CLASP2: variants seen among roughly 807,000 people sequenced by gnomAD.
CLASP2 encodes cytoplasmic linker associated protein 2.
Under a neutral mutation model 194.4 loss-of-function variants are expected in CLASP2, and 47 were observed. The observed-to-expected ratio is 0.24, with a 90% CI of 0.19 to 0.31. The LOEUF is 0.31. CLASP2 is among the 10% of genes least tolerant of loss of function. The pLI is 1.00. For missense variants in CLASP2, 1,445 were observed against 1,823.6 expected, an observed-to-expected ratio of 0.79 and a Z score of 3.78; for synonymous variants, 619 against 633.5, an observed-to-expected ratio of 0.98 and a Z score of 0.34.
chr3:33,676,715 G>A (rs1319633509), intron 6 of CLASP2, among the ~76,000 whole-genome samples: 4 of 152,072 alleles, frequency 2.6e-5, no homozygotes, highest in East Asian at 1.9e-4. Flanking sequence ...GATCTAATTA[G>A]ACTAAAGAGC....
chr3:33,678,042 A>G (rs879126373), intron 6 of CLASP2, among the ~76,000 whole-genome samples: 2 of 151,976 alleles, frequency 1.3e-5, no homozygotes, highest in East Asian at 1.9e-4. Context: ...GGAAATCTCA[A>G]TAGAATTCTC....
At chr3:33,628,737 T>G (rs969057036) in intron 9 of CLASP2, among the ~76,000 whole-genome samples, 1 of 152,028 alleles carries the variant, frequency 6.6e-6, no homozygotes, top group Admixed American at 6.6e-5. Flanking sequence ...ATCTCGGCAT[T>G]ATCTAGATAA....
At chr3:33,682,675 T>A (rs1559627312) in intron 6 of CLASP2, among the ~76,000 whole-genome samples, 1 of 152,226 alleles carries the variant, frequency 6.6e-6, no homozygotes, top group Admixed American at 6.5e-5. Flanking sequence ...ACTAGAAGAT[T>A]ATCAGCAGGA....
At chr3:33,507,859 C>T (rs555165154) in intron 37 of CLASP2, among the ~76,000 whole-genome samples, 3 of 152,056 alleles carry the variant, frequency 2.0e-5, no homozygotes, top group Non-Finnish European at 2.9e-5. Flanking sequence ...GTTAGTCTAA[C>T]TCCTCCATTA....
chr3:33,660,302 C>T (rs766921836), intron 7 of CLASP2, among the ~76,000 whole-genome samples: 3 of 152,150 alleles, frequency 2.0e-5, no homozygotes, highest in South Asian at 4.1e-4. Context: ...CTTCTAGTCA[C>T]GATCTGACAG....
At chr3:33,708,108 T>A (rs1052782027) in intron 1 of CLASP2, among the ~76,000 whole-genome samples, 4 of 152,020 alleles carry the variant, frequency 2.6e-5, no homozygotes, top group Non-Finnish European at 5.9e-5. Flanking sequence ...CTTAGTAAAT[T>A]TCAAGTACAA....
intron 28 of CLASP2, among the ~76,000 whole-genome samples, chr3:33,560,123 A>C (rs2061575137): frequency 6.6e-6 from 1 of 152,234 alleles, no homozygotes; most frequent in African/African-American, 2.4e-5. Flanking sequence ...AAACCTTCTG[A>C]AAAGAGATTT....
At chr3:33,557,642 A>G (rs771676365) in intron 29 of CLASP2, among the ~76,000 whole-genome samples, 20 of 152,326 alleles carry the variant, frequency 1.3e-4, no homozygotes, top group Middle Eastern at 6.8e-3. Flanking sequence ...ATAATGATAA[A>G]ATTACAAGCT....
intron 12 of CLASP2, among the ~76,000 whole-genome samples, chr3:33,617,936 TA>T (rs1474528720): frequency 5.0e-5 from 6 of 120,540 alleles, no homozygotes; most frequent in African/African-American, 1.7e-4. Flanking sequence ...ATTATTATTA[TA>T]TATATATATA....
chr3:33,532,661 T>C (rs956179373), intron 34 of CLASP2, among the ~76,000 whole-genome samples: 2 of 152,176 alleles, frequency 1.3e-5, no homozygotes, highest in Non-Finnish European at 2.9e-5. Flanking sequence ...AAAAATTCTG[T>C]GGTTTAGGGG....
intron 1 of CLASP2, among the ~76,000 whole-genome samples, chr3:33,704,483 G>A (rs1045675327): frequency 3.9e-5 from 6 of 152,198 alleles, no homozygotes; most frequent in Non-Finnish European, 7.3e-5. Flanking sequence ...CAGGCACAGT[G>A]GCTCATGCCT....
chr3:33,636,429 T>TA (rs572784992), intron 8 of CLASP2, among the ~76,000 whole-genome samples: 70 of 150,842 alleles, frequency 4.6e-4, no homozygotes, highest in African/African-American at 1.1e-3. Context: ...TCCCTAAAAT[T>TA]AAAAAAAACA....
chr3:33,663,635 T>C lies in CLASP2; in HGVS notation c.645-120A>G, dbSNP rs905619940. 4.7e-5 allele frequency: 31 copies of C among 658,922 alleles called. No homozygotes were observed. In the African/African-American group the frequency reaches 4.7e-4, roughly 10 times the overall value. The allele number at this position is 658,922 out of a possible 1,614,324, so 40.8% of individuals were successfully genotyped here. A position where few individuals can be genotyped will look rare whatever the true frequency, so the allele number is the denominator to read the frequency against. ...TTGTAGGGATTCAGCTAGTTTTCTA[T>C]ACAACTCTCTTTCACAATTAACGCA... On this transcript the variant is annotated intron_variant, in intron 6 of 38. Transcript: ENST00000682230.
chr3:33,535,519 A>G, intron 33 of CLASP2, 58 bp from the exon 34 acceptor site: 1 of 1,319,674 alleles, frequency 7.6e-7, no homozygotes, highest in Non-Finnish European at 1.1e-6. Flanking sequence ...TATCTATTTA[A>G]CATTCTAAAA....
chr3:33,603,076 A>G lies in CLASP2; in HGVS notation c.1800T>C (p.Arg600=), dbSNP rs375252014. Reference sequence around the variant, plus strand: ...CATTCACATCAATGTCACTTCGTGAACGCTGCAGGCTTCCTGGAAGGGAAC... The same window carrying G: ...CATTCACATCAATGTCACTTCGTGAGCGCTGCAGGCTTCCTGGAAGGGAAC... The part of the protein sequence containing the change: ...KASSLPGSLQ[R]SRSDIDVNAA... The change falls in exon 18 of 39, where the codon CGT becomes CGC. Residue 600 remains arginine (R), a synonymous_variant. Coordinates refer to ENST00000682230, the MANE Select transcript of CLASP2 (RefSeq NM_001365631.1). 1.7e-4 allele frequency: 274 copies of G among 1,595,398 alleles called. 1 individual carries two copies. The African/African-American group carries it at 3.4e-3, about 20-fold the overall frequency.
chr3:33,514,732 T>C lies in CLASP2; in HGVS notation c.4110+1291A>G, dbSNP rs114559241. On this transcript the variant is annotated intron_variant, in intron 36 of 38. Transcript: ENST00000682230. ...AAAGATACTTGCACACAGGTGTTTATAGCAGCACAATTGGCAATTGCAAAA... is the reference window on the plus strand; with the variant it reads ...AAAGATACTTGCACACAGGTGTTTACAGCAGCACAATTGGCAATTGCAAAA... The C allele has an allele frequency of 4.8e-3, 1,374 of 285,142 alleles. 22 individuals are homozygous for C. The highest frequency in any genetic ancestry group is 0.026 in the African/African-American group (1,194 of 46,078). 17.7% of individuals were successfully genotyped at this position (285,142 alleles called of 1,614,324 possible).
chr3:33,505,287 T>G (rs1559764008), intron 37 of CLASP2: 1 of 151,832 alleles, frequency 6.6e-6, no homozygotes, highest in Non-Finnish European at 1.5e-5. Flanking sequence ...CACAATTTTT[T>G]GAGAACAAGG....
At chr3:33,546,607 G>C (rs1480470279) in intron 30 of CLASP2, among the ~76,000 whole-genome samples, 4 of 152,106 alleles carry the variant, frequency 2.6e-5, no homozygotes, top group African/African-American at 9.7e-5. Flanking sequence ...TTACTGATAG[G>C]ATTCATAGGC....
At chr3:33,546,916 C>T (rs1460276888) in intron 30 of CLASP2, among the ~76,000 whole-genome samples, 1 of 152,126 alleles carries the variant, frequency 6.6e-6, no homozygotes, top group African/African-American at 2.4e-5. Context: ...GTTGCCTAAG[C>T]TTCTGATACC....
Sources: gnomAD v4.1 joint callset for allele counts (sites outside exome capture counted in the v4.1 genomes callset) on GRCh38, gnomAD v4.1.1 for gene constraint, MANE v1.5 for transcripts, NCBI Gene and HGNC (gene_info 2026-07-23, HGNC 2026-07-21) for gene names.